Variants in NLGN1 observed in about 807,000 individuals in gnomAD.
NLGN1 encodes the protein neuroligin 1, also known as neuroligin-1.
A neutral mutation model predicts 65.5 loss-of-function variants in NLGN1; 12 were observed. That is an observed-to-expected ratio of 0.18 (90% confidence interval 0.12 to 0.30). NLGN1 has a LOEUF of 0.30. Ranked by LOEUF, NLGN1 falls within the 10% of genes least tolerant of loss-of-function variation. NLGN1 has a pLI of 1.00. For missense variants in NLGN1, 750 were observed against 1,007.1 expected (o/e 0.74, Z 3.46); for synonymous variants, 350 against 359.5 (o/e 0.97, Z 0.30).
At chr3:173,977,021 C>G (rs1717613522) in intron 4 of NLGN1, among the ~76,000 whole-genome samples, 1 of 151,896 alleles carries the variant, frequency 6.6e-6, no homozygotes, top group Non-Finnish European at 1.5e-5. Flanking sequence ...ATGCTAAGTG[C>G]AGCAGATAGA....
chr3:174,144,021 C>T (rs1411867643), intron 4 of NLGN1, among the ~76,000 whole-genome samples: 1 of 152,088 alleles, frequency 6.6e-6, no homozygotes, highest in Non-Finnish European at 1.5e-5. Flanking sequence ...CACCCATCAA[C>T]CCATCATCTA....
intron 4 of NLGN1, among the ~76,000 whole-genome samples, chr3:173,865,918 T>C (rs1046596050): frequency 6.6e-6 from 1 of 152,180 alleles, no homozygotes; most frequent in African/African-American, 2.4e-5. Flanking sequence ...TAGAAAATTG[T>C]AAACACTTTA....
chr3:173,963,541 T>G (rs2152352267), intron 4 of NLGN1, among the ~76,000 whole-genome samples: 1 of 152,232 alleles, frequency 6.6e-6, no homozygotes, highest in Admixed American at 6.5e-5. Flanking sequence ...GTGATAGAAG[T>G]TGAAGTCTGA....
chr3:174,223,180 T>C (rs1178011504), intron 4 of NLGN1, among the ~76,000 whole-genome samples: 3 of 152,228 alleles, frequency 2.0e-5, no homozygotes, highest in East Asian at 1.9e-4. Flanking sequence ...TTAGCCCTTG[T>C]AGCACCTCCC....
intron 2 of NLGN1, among the ~76,000 whole-genome samples, chr3:173,582,058 T>C (rs2149365453): frequency 6.6e-6 from 1 of 152,168 alleles, no homozygotes; most frequent in Admixed American, 6.5e-5. Flanking sequence ...ATATAATAGA[T>C]GTAATTATTT....
intron 4 of NLGN1, among the ~76,000 whole-genome samples, chr3:173,922,732 A>G (rs747526183): frequency 6.6e-6 from 1 of 152,138 alleles, no homozygotes. Context: ...TTTGGCTTCT[A>G]TTCTAATGCC....
At chr3:174,195,529 T>G (rs1733248656) in intron 4 of NLGN1, among the ~76,000 whole-genome samples, 1 of 152,192 alleles carries the variant, frequency 6.6e-6, no homozygotes. Context: ...ATGAGATTGC[T>G]CCTCAAACCA....
chr3:173,856,277 C>G (rs1727948442), intron 4 of NLGN1, among the ~76,000 whole-genome samples: 1 of 38,556 alleles, frequency 2.6e-5, no homozygotes, highest in Admixed American at 1.4e-4. Flanking sequence ...ATAGTAGTAG[C>G]TCGTTTTACT....
chr3:174,088,725 C>CCT (rs895841989), intron 4 of NLGN1, among the ~76,000 whole-genome samples: 2 of 150,808 alleles, frequency 1.3e-5, no homozygotes, highest in African/African-American at 4.9e-5. Flanking sequence ...TGCACTCCAG[C>CCT]CTGGGCAATA....
chr3:173,558,495 C>G (rs1742098811), intron 2 of NLGN1, among the ~76,000 whole-genome samples: 1 of 152,104 alleles, frequency 6.6e-6, no homozygotes, highest in Admixed American at 6.5e-5. Flanking sequence ...TAAACTCTTT[C>G]ATTTTTTAGC....
At chr3:173,487,123 T>G (rs1728295253) in intron 2 of NLGN1, among the ~76,000 whole-genome samples, 1 of 151,990 alleles carries the variant, frequency 6.6e-6, no homozygotes, top group African/African-American at 2.4e-5. Context: ...TTTTTAAACT[T>G]TTCTTATTTT....
chr3:174,232,292 A>G (rs1452704601), intron 4 of NLGN1, among the ~76,000 whole-genome samples: 4 of 152,108 alleles, frequency 2.6e-5, no homozygotes, highest in Admixed American at 6.6e-5. Context: ...ATTTCACAGG[A>G]CAATGTCATC....
At chr3:173,856,789 CA>C (rs1560503600) in intron 4 of NLGN1, among the ~76,000 whole-genome samples, 1 of 151,938 alleles carries the variant, frequency 6.6e-6, no homozygotes, top group African/African-American at 2.4e-5. Flanking sequence ...GTGAACAGCA[CA>C]AGGCTTAAAA....
chr3:173,410,248 A>G (rs1370005215), intron 1 of NLGN1, among the ~76,000 whole-genome samples: 4 of 152,214 alleles, frequency 2.6e-5, no homozygotes, highest in Non-Finnish European at 4.4e-5. Flanking sequence ...ACAAAATAAC[A>G]TAGCACTTTT....
intron 3 of NLGN1, among the ~76,000 whole-genome samples, chr3:173,739,610 A>C (rs1774320594): frequency 6.6e-6 from 1 of 152,126 alleles, no homozygotes; most frequent in Admixed American, 6.6e-5. Context: ...GACCTCAGGG[A>C]AAGGTTTCTA....
At chr3:173,955,194 A>G (rs1013823461) in intron 4 of NLGN1, among the ~76,000 whole-genome samples, 2 of 152,186 alleles carry the variant, frequency 1.3e-5, no homozygotes, top group Non-Finnish European at 1.5e-5. Context: ...TCAGCCACTT[A>G]TAATATAAAA....
intron 4 of NLGN1, among the ~76,000 whole-genome samples, chr3:174,193,362 C>T (rs186883687): frequency 9.1e-4 from 138 of 152,254 alleles, no homozygotes; most frequent in African/African-American, 3.0e-3. Context: ...ACTTAAAACC[C>T]TCCTGCCAAA....
chr3:173,466,626 G>C (rs1724409076), intron 2 of NLGN1, among the ~76,000 whole-genome samples: 1 of 152,166 alleles, frequency 6.6e-6, no homozygotes, highest in Non-Finnish European at 1.5e-5. Flanking sequence ...TTATGAAGTT[G>C]TTTATTGATG....
intron 4 of NLGN1, among the ~76,000 whole-genome samples, chr3:174,099,058 T>C (rs533671984): frequency 6.6e-6 from 1 of 152,322 alleles, no homozygotes; most frequent in South Asian, 2.1e-4. Context: ...AGATAAATTA[T>C]TAAAACTGGA....
Sources: allele counts gnomAD v4.1 joint callset (sites outside exome capture counted in the v4.1 genomes callset), GRCh38; gene constraint gnomAD v4.1.1; transcripts MANE v1.5; gene names NCBI Gene and HGNC (gene_info 2026-07-23, HGNC 2026-07-21).